RBFOX2: variants seen among roughly 807,000 people sequenced by gnomAD.
RBFOX2 encodes RNA binding fox-1 homolog 2, also known as RNA binding protein fox-1 homolog 2.
RBFOX2 carries 10 observed loss-of-function variants against 49.1 expected under a neutral mutation model. The ratio of observed to expected loss-of-function variants is 0.20; its 90% CI spans 0.13 to 0.35. The LOEUF (loss-of-function observed/expected upper bound fraction) is 0.35, where lower values mean the gene tolerates loss of function less well. RBFOX2 is among the 10% of genes least tolerant of loss of function. RBFOX2 has a pLI of 1.00. For synonymous variants in RBFOX2, 183 were observed against 187.4 expected (o/e 0.98, Z 0.19); for missense variants, 323 against 486.9 (o/e 0.66, Z 3.17).
intron 1 of RBFOX2, among the ~76,000 whole-genome samples, chr22:35,831,804 C>G (rs1417831255): frequency 6.6e-6 from 1 of 152,150 alleles, no homozygotes; most frequent in Non-Finnish European, 1.5e-5. Flanking sequence ...AAAAAGAATA[C>G]AGTTGTATCA....
At chr22:35,973,886 A>T (rs962748411) in intron 1 of RBFOX2, among the ~76,000 whole-genome samples, 3 of 152,184 alleles carry the variant, frequency 2.0e-5, no homozygotes, top group Non-Finnish European at 4.4e-5. Context: ...CTCCCTAAAA[A>T]TGTATTCTCT....
intron 1 of RBFOX2, among the ~76,000 whole-genome samples, chr22:35,862,081 A>G (rs7284788): frequency 6.6e-6 from 1 of 152,288 alleles, no homozygotes; most frequent in South Asian, 2.1e-4. Context: ...CAACTAATCA[A>G]TAGTGACAGA....
upstream of RBFOX2, among the ~76,000 whole-genome samples, chr22:35,941,956 A>G (rs188229507): frequency 5.8e-4 from 89 of 152,226 alleles, no homozygotes; most frequent in Non-Finnish European, 9.9e-4. Context: ...ATTTTGCGTG[A>G]TTTTGAATTT....
chr22:35,842,335 A>G (rs112575409), upstream of RBFOX2, among the ~76,000 whole-genome samples: 3,253 of 152,312 alleles, frequency 0.021, 116 homozygotes, highest in African/African-American at 0.075. Context: ...AAAGTAATAT[A>G]GATAAGTACT....
intron 1 of RBFOX2, among the ~76,000 whole-genome samples, chr22:35,870,556 C>G (rs945671716): frequency 5.3e-5 from 8 of 152,126 alleles, no homozygotes; most frequent in Non-Finnish European, 1.0e-4. Flanking sequence ...ATATCTGGAT[C>G]ACATTATGAA....
intron 1 of RBFOX2, 51 bp from the exon 3 acceptor site, chr22:35,810,055 T>C: frequency 6.4e-7 from 1 of 1,552,640 alleles, no homozygotes; most frequent in Non-Finnish European, 8.9e-7. Context: ...CCTTGTTACG[T>C]AACTATTTTT....
intron 1 of RBFOX2, among the ~76,000 whole-genome samples, chr22:35,850,505 T>A (rs949639618): frequency 6.6e-6 from 1 of 152,072 alleles, no homozygotes; most frequent in Non-Finnish European, 1.5e-5. Context: ...ATATGCAGGG[T>A]ACACTTGCTC....
intron 1 of RBFOX2, among the ~76,000 whole-genome samples, chr22:36,009,374 A>G (rs1052872405): frequency 2.0e-5 from 3 of 152,094 alleles, no homozygotes; most frequent in African/African-American, 4.8e-5. Flanking sequence ...GGTACCAGAA[A>G]GGGCCTTCCT....
At chr22:35,927,097 A>G (rs1199956625) in intron 1 of RBFOX2, among the ~76,000 whole-genome samples, 2 of 152,174 alleles carry the variant, frequency 1.3e-5, no homozygotes, top group Admixed American at 6.5e-5. Flanking sequence ...CTTGGATCCA[A>G]ACTTTATGGA....
intron 1 of RBFOX2, chr22:35,897,898 T>C: frequency 2.8e-6 from 2 of 725,942 alleles, no homozygotes; most frequent in Non-Finnish European, 5.1e-6. Context: ...CACATTCAGA[T>C]GTGCAACATG....
chr22:35,797,961 T>C (rs1949080073), intron 2 of RBFOX2, among the ~76,000 whole-genome samples: 1 of 152,116 alleles, frequency 6.6e-6, no homozygotes, highest in East Asian at 1.9e-4. Context: ...CTAGCACTTA[T>C]CTGTACTTTG....
chr22:35,793,934 A>G (rs1948268563), intron 2 of RBFOX2, among the ~76,000 whole-genome samples: 1 of 152,226 alleles, frequency 6.6e-6, no homozygotes, highest in South Asian at 2.1e-4. Flanking sequence ...ATGTAACATG[A>G]TCATGTACTG....
chr22:35,757,669 TG>T (rs955673018), intron 9 of RBFOX2, among the ~76,000 whole-genome samples: 1 of 152,224 alleles, frequency 6.6e-6, no homozygotes, highest in Admixed American at 6.5e-5. Context: ...GCTATGCCCT[TG>T]TATCACACAA....
At chr22:35,995,436 A>G (rs1480233791) in intron 1 of RBFOX2, 1 of 152,206 alleles carries the variant, frequency 6.6e-6, no homozygotes, top group Non-Finnish European at 1.5e-5. Flanking sequence ...GAATAAACCA[A>G]ACCCAGAGCC....
At chr22:36,005,255 C>T (rs1325122832) in intron 1 of RBFOX2, among the ~76,000 whole-genome samples, 1 of 152,202 alleles carries the variant, frequency 6.6e-6, no homozygotes, top group Non-Finnish European at 1.5e-5. Context: ...CAATCAGTGG[C>T]ATACACTGCT....
chr22:35,830,719 G>A (rs1956632080), intron 1 of RBFOX2, among the ~76,000 whole-genome samples: 1 of 152,102 alleles, frequency 6.6e-6, no homozygotes, highest in Admixed American at 6.6e-5. Flanking sequence ...TAATCTTATG[G>A]AACCACTATT....
At chr22:35,916,392 G>A (rs1484029261) in intron 1 of RBFOX2, among the ~76,000 whole-genome samples, 2 of 152,072 alleles carry the variant, frequency 1.3e-5, no homozygotes, top group Non-Finnish European at 2.9e-5. Context: ...AGCAATCCTC[G>A]TGCCTCAGCC....
At chr22:35,878,292 G>T (rs1468247635) in intron 1 of RBFOX2, among the ~76,000 whole-genome samples, 1 of 152,130 alleles carries the variant, frequency 6.6e-6, no homozygotes, top group Non-Finnish European at 1.5e-5. Context: ...CAGCTACTCA[G>T]GAGGCTGAGG....
chr22:35,784,845 G>A (rs1315222391), intron 2 of RBFOX2, among the ~76,000 whole-genome samples: 1 of 152,218 alleles, frequency 6.6e-6, no homozygotes, highest in Non-Finnish European at 1.5e-5. Context: ...AGATTGCTGC[G>A]TTGCCGGCCG....
Sources: allele counts gnomAD v4.1 joint callset (sites outside exome capture counted in the v4.1 genomes callset), GRCh38; gene constraint gnomAD v4.1.1; transcripts MANE v1.5; gene names NCBI Gene and HGNC (gene_info 2026-07-23, HGNC 2026-07-21).